AGBL4: variants seen among roughly 807,000 people sequenced by gnomAD.
AGBL4 encodes cytosolic carboxypeptidase 6.
In AGBL4, 58 loss-of-function variants were observed where a neutral mutation model predicts 66.4. That is an observed-to-expected ratio of 0.87 (90% CI 0.71 to 1.09). AGBL4 has a LOEUF of 1.09. AGBL4 is among the 50% of genes least tolerant of loss of function. The pLI is 0.00. For synonymous variants in AGBL4, 234 were observed against 222.9 expected, an observed-to-expected ratio of 1.05 and a Z score of -0.44; for missense variants, 579 against 631.0, an observed-to-expected ratio of 0.92 and a Z score of 0.88.
chr1:49,528,918 G>T (rs1188133747), intron 3 of AGBL4, among the ~76,000 whole-genome samples: 1 of 151,962 alleles, frequency 6.6e-6, no homozygotes, highest in African/African-American at 2.4e-5. Context: ...AGGAGATGAA[G>T]TTAGAGAGGT....
chr1:49,743,347 A>T (rs958653521), intron 2 of AGBL4, among the ~76,000 whole-genome samples: 10 of 152,216 alleles, frequency 6.6e-5, no homozygotes, highest in Non-Finnish European at 5.9e-5. Context: ...TCAAAACCAC[A>T]ATGAGATACC....
intron 11 of AGBL4, chr1:48,586,236 G>C (rs1462953984): frequency 6.6e-6 from 1 of 152,196 alleles, no homozygotes; most frequent in Non-Finnish European, 1.5e-5. Context: ...ATCATGGAAG[G>C]CTTTGGAGTT....
intron 6 of AGBL4, among the ~76,000 whole-genome samples, chr1:48,846,454 G>T (rs552055991): frequency 6.6e-6 from 1 of 151,656 alleles, no homozygotes; most frequent in South Asian, 2.1e-4. Context: ...ATAAATAGTG[G>T]GTATCAAGAC....
chr1:49,281,159 C>T (rs1400129883), intron 3 of AGBL4, among the ~76,000 whole-genome samples: 1 of 152,146 alleles, frequency 6.6e-6, no homozygotes, highest in Non-Finnish European at 1.5e-5. Flanking sequence ...AAAGATCAAG[C>T]AACTTCTTGT....
intron 6 of AGBL4, among the ~76,000 whole-genome samples, chr1:48,769,022 C>G (rs1179108807): frequency 6.6e-6 from 1 of 152,158 alleles, no homozygotes; most frequent in East Asian, 1.9e-4. Context: ...CAAATCGAGG[C>G]CTGCCTCTCT....
chr1:49,093,441 A>G (rs1042699531), intron 4 of AGBL4, among the ~76,000 whole-genome samples: 2 of 152,214 alleles, frequency 1.3e-5, no homozygotes, highest in Admixed American at 6.5e-5. Flanking sequence ...TTGGCTAAGC[A>G]CTGAAAATAT....
intron 4 of AGBL4, among the ~76,000 whole-genome samples, chr1:49,068,067 G>C (rs1644524658): frequency 6.6e-6 from 1 of 152,140 alleles, no homozygotes; most frequent in Admixed American, 6.6e-5. Flanking sequence ...GCATTAAATA[G>C]ATGAATTAAA....
At chr1:48,831,796 C>T (rs1290585639) in intron 6 of AGBL4, among the ~76,000 whole-genome samples, 1 of 152,184 alleles carries the variant, frequency 6.6e-6, no homozygotes, top group East Asian at 1.9e-4. Flanking sequence ...AATGAATAAA[C>T]ACATGTTGTG....
intron 3 of AGBL4, among the ~76,000 whole-genome samples, chr1:49,629,107 C>T (rs1422877710): frequency 6.6e-6 from 1 of 152,204 alleles, no homozygotes; most frequent in East Asian, 1.9e-4. Flanking sequence ...TCAAATCCAA[C>T]AAGCTGCCTG....
intron 5 of AGBL4, among the ~76,000 whole-genome samples, chr1:48,929,083 C>T (rs1349927311): frequency 6.6e-6 from 1 of 152,216 alleles, no homozygotes; most frequent in Non-Finnish European, 1.5e-5. Context: ...AGACCTGGAT[C>T]CTTCTCTTGC....
chr1:48,847,834 G>T (rs1646953979), intron 6 of AGBL4, among the ~76,000 whole-genome samples: 1 of 152,100 alleles, frequency 6.6e-6, no homozygotes, highest in Non-Finnish European at 1.5e-5. Flanking sequence ...CACAGAACCT[G>T]GTACACAGTC....
chr1:49,066,651 T>C (rs1644497590), intron 4 of AGBL4, among the ~76,000 whole-genome samples: 1 of 152,218 alleles, frequency 6.6e-6, no homozygotes, highest in African/African-American at 2.4e-5. Flanking sequence ...GGTGTGGAAG[T>C]GGTGAAAACT....
intron 6 of AGBL4, chr1:48,759,061 T>A (rs1399747669): frequency 1.2e-6 from 2 of 1,613,668 alleles, no homozygotes; most frequent in East Asian, 2.2e-5. Context: ...GCGCATCTCT[T>A]CCTGTTGCTG....
At chr1:49,006,505 C>T (rs1384560839) in intron 5 of AGBL4, among the ~76,000 whole-genome samples, 4 of 152,302 alleles carry the variant, frequency 2.6e-5, no homozygotes, top group East Asian at 3.9e-4. Context: ...CGGGGAAGCT[C>T]GAACTGGGTG....
At chr1:49,714,940 T>C (rs1346045696) in intron 2 of AGBL4, among the ~76,000 whole-genome samples, 1 of 152,006 alleles carries the variant, frequency 6.6e-6, no homozygotes, top group Non-Finnish European at 1.5e-5. Flanking sequence ...TAGCATCTAT[T>C]ATTTTTTGAC....
intron 4 of AGBL4, among the ~76,000 whole-genome samples, chr1:49,213,930 C>T (rs1648873667): frequency 6.6e-6 from 1 of 152,078 alleles, no homozygotes; most frequent in Non-Finnish European, 1.5e-5. Context: ...CCTGTGGCCC[C>T]CCAACCTGGG....
In AGBL4 at chr1:49,244,570, C is replaced by T. The variant is rs147557993; in HGVS notation, c.377+1200G>A. On this transcript the variant is annotated intron_variant, in intron 4 of 13. Coordinates refer to ENST00000371839, the MANE Select transcript of AGBL4 (RefSeq NM_032785.4). ...GCCAAGTATCATTTGGAGATAAAAG[C>T]GCAATTCAGTATTTATGAATTGCTA... Among the ~76,000 whole-genome samples, 271 of 151,816 alleles carry T rather than the reference C, an allele frequency of 1.8e-3. 1 individual carries two copies. The highest frequency in any genetic ancestry group is 2.6e-3 in the Non-Finnish European group (177 of 67,760).
chr1:48,565,939 A>G (rs1008187061), intron 11 of AGBL4, among the ~76,000 whole-genome samples: 1 of 152,150 alleles, frequency 6.6e-6, no homozygotes, highest in African/African-American at 2.4e-5. Flanking sequence ...GGAATGAAGT[A>G]TGGGCTTCAC....
chr1:49,944,999 C>G (rs1209110906), intron 1 of AGBL4, among the ~76,000 whole-genome samples: 6 of 151,784 alleles, frequency 4.0e-5, no homozygotes, highest in Admixed American at 3.3e-4. Flanking sequence ...TGAATTAACC[C>G]AATCCAACAA....
Sources: gnomAD v4.1 joint callset for allele counts (sites outside exome capture counted in the v4.1 genomes callset) on GRCh38, gnomAD v4.1.1 for gene constraint, MANE v1.5 for transcripts, NCBI Gene and HGNC (gene_info 2026-07-23, HGNC 2026-07-21) for gene names.